PTPN13: variants seen among roughly 807,000 people sequenced by gnomAD.
The protein encoded by PTPN13 is protein tyrosine phosphatase non-receptor type 13.
In PTPN13, 191 loss-of-function variants were observed where a neutral mutation model predicts 284.0. The ratio of observed to expected loss-of-function variants is 0.67; its 90% CI spans 0.60 to 0.76. PTPN13 has a LOEUF of 0.76. Ranked by LOEUF, PTPN13 falls within the 30% of genes least tolerant of loss-of-function variation. The pLI is 0.00. For synonymous variants in PTPN13, 986 were observed against 1,022.3 expected, an observed-to-expected ratio of 0.96 and a Z score of 0.68; for missense variants, 2,797 against 2,939.9, an observed-to-expected ratio of 0.95 and a Z score of 1.12.
intron 10 of PTPN13, among the ~76,000 whole-genome samples, chr4:86,728,126 T>G (rs1734495908): frequency 6.7e-6 from 1 of 149,798 alleles, no homozygotes; most frequent in Non-Finnish European, 1.5e-5. Flanking sequence ...TGTGCAGTTT[T>G]GAGTAAGTTT....
At chr4:86,608,255 G>C (rs1476342125) in intron 1 of PTPN13, among the ~76,000 whole-genome samples, 2 of 151,996 alleles carry the variant, frequency 1.3e-5, no homozygotes, top group Non-Finnish European at 2.9e-5. Context: ...AGAGAGATTC[G>C]ACTGTGAAGA....
intron 45 of PTPN13, among the ~76,000 whole-genome samples, chr4:86,809,228 A>G (rs998664746): frequency 6.6e-6 from 1 of 152,138 alleles, no homozygotes; most frequent in African/African-American, 2.4e-5. Flanking sequence ...TCAAAATGCA[A>G]TTTGTTTTTA....
intron 1 of PTPN13, among the ~76,000 whole-genome samples, chr4:86,616,620 T>G (rs568808373): frequency 6.6e-6 from 1 of 152,076 alleles, no homozygotes; most frequent in East Asian, 1.9e-4. Context: ...TTGCTCTGGG[T>G]TCATACGAGG....
intron 16 of PTPN13, among the ~76,000 whole-genome samples, chr4:86,743,217 C>T (rs1736350623): frequency 6.6e-6 from 1 of 152,134 alleles, no homozygotes; most frequent in African/African-American, 2.4e-5. Context: ...ATACATCTTT[C>T]TTAGATATTA....
intron 14 of PTPN13, 76 bp from the exon 15 acceptor site, chr4:86,735,518 A>G (rs1735393246): frequency 2.0e-6 from 3 of 1,505,164 alleles, no homozygotes; most frequent in Non-Finnish European, 2.7e-6. Flanking sequence ...CCAAAGCAAG[A>G]ACTTTAAGAT....
chr4:86,683,558 G>A (rs893381667), intron 3 of PTPN13, among the ~76,000 whole-genome samples: 3 of 152,168 alleles, frequency 2.0e-5, no homozygotes, highest in South Asian at 2.1e-4. Context: ...GTCTACTGAT[G>A]TAAATGTTAA....
chr4:86,741,927 T>C (rs894461562), intron 16 of PTPN13, 111 bp downstream of exon 16: 30 of 814,164 alleles, frequency 3.7e-5, no homozygotes, highest in Admixed American at 1.6e-4. Context: ...GGATAATACA[T>C]CTTAATACTA....
chr4:86,654,942 A>C (rs901333130), intron 2 of PTPN13, among the ~76,000 whole-genome samples: 1 of 152,182 alleles, frequency 6.6e-6, no homozygotes, highest in Non-Finnish European at 1.5e-5. Flanking sequence ...GGGTGCATAT[A>C]TATTTAGGAC....
chr4:86,792,259 G>C (rs948188373), intron 40 of PTPN13, among the ~76,000 whole-genome samples: 5 of 152,180 alleles, frequency 3.3e-5, no homozygotes, highest in Admixed American at 6.5e-5. Flanking sequence ...AAGGATATCA[G>C]TGATTGAAGA....
intron 9 of PTPN13, among the ~76,000 whole-genome samples, 197 bp downstream of exon 9, chr4:86,717,314 G>A (rs150102568): frequency 5.9e-4 from 89 of 150,750 alleles, no homozygotes; most frequent in African/African-American, 2.0e-3. Context: ...TCAGTCTCCC[G>A]AGTAGCTGGG....
At chr4:86,609,042 A>G (rs181116337) in intron 1 of PTPN13, among the ~76,000 whole-genome samples, 1 of 152,290 alleles carries the variant, frequency 6.6e-6, no homozygotes, top group East Asian at 1.9e-4. Context: ...AGTTTATCAC[A>G]TGGTTTTAGA....
chr4:86,697,316 G>A (rs1192036357), intron 6 of PTPN13, among the ~76,000 whole-genome samples: 1 of 152,082 alleles, frequency 6.6e-6, no homozygotes, highest in Non-Finnish European at 1.5e-5. Flanking sequence ...TAAAGAAAAT[G>A]TTAAGATGGA....
rs373092415 is a variant in PTPN13 at position 86,779,979 on chromosome 4, G to T, written c.5892-423G>T. On this transcript the variant is annotated intron_variant, in intron 35 of 47. Coordinates refer to ENST00000411767, the MANE Select transcript of PTPN13 (RefSeq NM_080683.3). Reference sequence around the variant, plus strand: ...TTTAAACTATTGACTAAGTGACAGTGAACCGAGTTATTAGATAATGAATAT... The same window carrying T: ...TTTAAACTATTGACTAAGTGACAGTTAACCGAGTTATTAGATAATGAATAT... 1.0e-3 allele frequency among the ~76,000 whole-genome samples: 152 copies of T among 152,296 alleles called. 1 individual carries two copies. The highest frequency in any genetic ancestry group is 3.4e-3 in the African/African-American group (143 of 41,558).
chr4:86,743,645 C>T (rs557719651), intron 16 of PTPN13, among the ~76,000 whole-genome samples: 1 of 152,204 alleles, frequency 6.6e-6, no homozygotes, highest in African/African-American at 2.4e-5. Flanking sequence ...GCAACAATAT[C>T]TAGCTAGAAT....
intron 2 of PTPN13, among the ~76,000 whole-genome samples, chr4:86,651,598 A>G (rs1425592972): frequency 6.6e-6 from 1 of 152,176 alleles, no homozygotes; most frequent in African/African-American, 2.4e-5. Context: ...TCAGCAGTGA[A>G]GCCATCAGGT....
At chr4:86,724,971 C>A (rs1734080841) in intron 10 of PTPN13, among the ~76,000 whole-genome samples, 1 of 150,448 alleles carries the variant, frequency 6.6e-6, no homozygotes, top group African/African-American at 2.5e-5. Flanking sequence ...TCCCCCAGCC[C>A]CCCACCCCCC....
At chr4:86,786,016 A>C (rs1354913530) in intron 40 of PTPN13, 80 bp downstream of exon 40, 1 of 709,054 alleles carries the variant, frequency 1.4e-6, no homozygotes, top group African/African-American at 1.8e-5. Flanking sequence ...AAATAATCAG[A>C]GATTCTTTCC....
Position 86,716,525 on chromosome 4 carries a change from T to C in PTPN13, c.1196-5T>C. On this transcript the variant is annotated splice_region_variant and splice_polypyrimidine_tract_variant and intron_variant, in intron 7 of 47. Coordinates refer to ENST00000411767, the MANE Select transcript of PTPN13 (RefSeq NM_080683.3). ...TTTCTAATCTTTTTGTTTTAATCCT[T>C]TTAGAACCAGTTCGAAGATACAAAA... 6.5e-7 allele frequency: 1 copy of C among 1,547,480 alleles called. No individual in the cohort carries two copies. Among genetic ancestry groups the C allele is most frequent in the Non-Finnish European group, 8.8e-7 (1 of 1,139,780 alleles).
intron 40 of PTPN13, among the ~76,000 whole-genome samples, chr4:86,787,592 C>CA (rs71657586): frequency 0.025 from 3,303 of 130,572 alleles, 111 homozygotes; most frequent in African/African-American, 0.083. Context: ...GATTCTGTCT[C>CA]AAAAAAAAAA....
Sources: gnomAD v4.1 joint callset for allele counts (sites outside exome capture counted in the v4.1 genomes callset) on GRCh38, gnomAD v4.1.1 for gene constraint, MANE v1.5 for transcripts, NCBI Gene and HGNC (gene_info 2026-07-23, HGNC 2026-07-21) for gene names.